RBFOX1: variants seen among roughly 807,000 people sequenced by gnomAD.
The protein encoded by RBFOX1 is RNA binding fox-1 homolog 1, also known as RNA binding protein fox-1 homolog 1.
Under a neutral mutation model 57.7 loss-of-function variants are expected in RBFOX1, and 8 were observed. The observed-to-expected ratio is 0.14, with a 90% CI of 0.08 to 0.25. RBFOX1 has a LOEUF of 0.25. RBFOX1 is among the 10% of genes least tolerant of loss of function. The pLI is 1.00. For missense variants in RBFOX1, 611 were observed against 548.5 expected, an observed-to-expected ratio of 1.11 and a Z score of -1.14; for synonymous variants, 326 against 222.4, an observed-to-expected ratio of 1.47 and a Z score of -4.15.
intron 11 of RBFOX1, among the ~76,000 whole-genome samples, chr16:7,632,992 A>T (rs930506537): frequency 1.3e-5 from 2 of 152,224 alleles, no homozygotes; most frequent in Non-Finnish European, 2.9e-5. Flanking sequence ...ATATTTCCCA[A>T]ATTCTCCATA....
chr16:7,546,160 C>G (rs1946867223), intron 5 of RBFOX1, among the ~76,000 whole-genome samples: 1 of 151,696 alleles, frequency 6.6e-6, no homozygotes, highest in African/African-American at 2.4e-5. Context: ...AACCCTGTCT[C>G]TACTAAAAAT....
intron 3 of RBFOX1, among the ~76,000 whole-genome samples, chr16:6,968,247 C>G (rs559891114): frequency 1.3e-5 from 2 of 152,204 alleles, no homozygotes; most frequent in Admixed American, 6.5e-5. Flanking sequence ...TTTAACTCAG[C>G]AAAGACCCCC....
At chr16:6,363,329 G>T (rs762887123) in intron 2 of RBFOX1, among the ~76,000 whole-genome samples, 2 of 152,120 alleles carry the variant, frequency 1.3e-5, no homozygotes, top group Non-Finnish European at 2.9e-5. Flanking sequence ...ACGAAGGGCC[G>T]AGGGAAAAAT....
At chr16:7,403,931 T>G (rs1197749137) in intron 4 of RBFOX1, among the ~76,000 whole-genome samples, 1 of 150,234 alleles carries the variant, frequency 6.7e-6, no homozygotes, top group Non-Finnish European at 1.5e-5. Context: ...ATATATAACC[T>G]TTTTAATTCA....
chr16:7,518,060 C>T, intron 4 of RBFOX1, 87 bp from the exon 5 acceptor site: 4 of 1,496,614 alleles, frequency 2.7e-6, no homozygotes, highest in South Asian at 1.3e-5. Context: ...ACGCGGGGCA[C>T]GATCGTCCTG....
At chr16:6,813,421 A>C (rs1175156498) in intron 3 of RBFOX1, among the ~76,000 whole-genome samples, 3 of 152,016 alleles carry the variant, frequency 2.0e-5, no homozygotes, top group Admixed American at 2.0e-4. Context: ...TCACCTCTGA[A>C]TGTTCTCATG....
intron 1 of RBFOX1, among the ~76,000 whole-genome samples, chr16:6,074,418 G>C (rs993098068): frequency 6.6e-6 from 1 of 152,192 alleles, no homozygotes; most frequent in East Asian, 1.9e-4. Context: ...CTTCAGTCAT[G>C]ATCCATCCCT....
chr16:6,818,977 C>G (rs777214222), intron 3 of RBFOX1, among the ~76,000 whole-genome samples: 4 of 127,794 alleles, frequency 3.1e-5, no homozygotes, highest in Non-Finnish European at 5.2e-5. Flanking sequence ...TTGAAAGGCA[C>G]CTGTCTGAGA....
intron 3 of RBFOX1, among the ~76,000 whole-genome samples, chr16:6,703,532 G>C (rs1174379549): frequency 6.6e-6 from 1 of 151,846 alleles, no homozygotes; most frequent in Non-Finnish European, 1.5e-5. Context: ...GCAACATACT[G>C]TGACCCTGCC....
At chr16:6,115,592 C>T (rs530245822) in intron 1 of RBFOX1, among the ~76,000 whole-genome samples, 1 of 152,062 alleles carries the variant, frequency 6.6e-6, no homozygotes, top group Non-Finnish European at 1.5e-5. Flanking sequence ...TATAAGATTG[C>T]TGAGATAAAT....
intron 4 of RBFOX1, among the ~76,000 whole-genome samples, chr16:7,121,906 G>C (rs917849308): frequency 2.6e-5 from 4 of 151,234 alleles, no homozygotes; most frequent in African/African-American, 4.8e-5. Context: ...CTTAGAAAAG[G>C]TACAAAATCA....
intron 2 of RBFOX1, among the ~76,000 whole-genome samples, chr16:6,645,576 G>C (rs571580907): frequency 6.6e-6 from 1 of 152,068 alleles, no homozygotes; most frequent in Non-Finnish European, 1.5e-5. Flanking sequence ...GTCTCTCTCG[G>C]GAGAGAGAAC....
intron 3 of RBFOX1, among the ~76,000 whole-genome samples, chr16:6,855,292 C>G (rs1423670963): frequency 6.6e-6 from 1 of 152,030 alleles, no homozygotes; most frequent in Admixed American, 6.6e-5. Context: ...TTCTAGTATA[C>G]AGGTCTGAGA....
intron 4 of RBFOX1, among the ~76,000 whole-genome samples, chr16:7,079,490 T>A (rs1424209685): frequency 6.6e-6 from 1 of 152,206 alleles, no homozygotes; most frequent in Non-Finnish European, 1.5e-5. Flanking sequence ...AGGGAGCTAT[T>A]CAGCAACTCA....
chr16:6,232,942 A>G (rs2097476032), intron 1 of RBFOX1, among the ~76,000 whole-genome samples: 1 of 152,166 alleles, frequency 6.6e-6, no homozygotes, highest in Non-Finnish European at 1.5e-5. Context: ...TAAGGGAATC[A>G]GGGTTTGAGA....
rs2082074526 is a variant in RBFOX1, at chr16:7,705,282, GGATCACGAGGTCAGGA to G, written c.996-3768_996-3753del. Among the ~76,000 whole-genome samples the G allele has an allele frequency of 5.9e-5, 9 of 152,198 alleles. No individual in the cohort carries two copies. In the South Asian group the frequency reaches 1.9e-3, roughly 32 times the overall value. ...AGCACTTTGGGAGGCCGAGGCAGGA[GGATCACGAGGTCAGGA>G]GATCAAAACCATCGTGGCTAACACA... On this transcript the variant is annotated intron_variant, in intron 14 of 15. Coordinates refer to ENST00000550418, the MANE Select transcript of RBFOX1 (RefSeq NM_018723.4).
intron 4 of RBFOX1, among the ~76,000 whole-genome samples, chr16:7,271,130 G>C (rs745873747): frequency 1.5e-4 from 23 of 152,164 alleles, no homozygotes; most frequent in Non-Finnish European, 2.9e-4. Context: ...AGGATCATGA[G>C]AGCAGCCTAA....
intron 10 of RBFOX1, among the ~76,000 whole-genome samples, chr16:7,616,895 C>G (rs771274820): frequency 1.3e-5 from 2 of 152,032 alleles, no homozygotes; most frequent in Middle Eastern, 3.4e-3. Flanking sequence ...CAGGAGCTGG[C>G]CAAAGTCCAA....
chr16:6,297,446 G>A (rs1192867281), intron 1 of RBFOX1, among the ~76,000 whole-genome samples: 3 of 152,090 alleles, frequency 2.0e-5, no homozygotes, highest in Non-Finnish European at 4.4e-5. Context: ...CTACTTACTG[G>A]TGGCCTTAGC....
Sources: gnomAD v4.1 joint callset for allele counts (sites outside exome capture counted in the v4.1 genomes callset) on GRCh38, gnomAD v4.1.1 for gene constraint, MANE v1.5 for transcripts, NCBI Gene and HGNC (gene_info 2026-07-23, HGNC 2026-07-21) for gene names.